CSMD1: variants seen among roughly 807,000 people sequenced by gnomAD.
CSMD1 encodes CUB and Sushi multiple domains 1.
Under a neutral mutation model 417.5 loss-of-function variants are expected in CSMD1, and 213 were observed. The ratio of observed to expected loss-of-function variants is 0.51; its 90% CI spans 0.46 to 0.57. The LOEUF (loss-of-function observed/expected upper bound fraction) is 0.57, where lower values mean the gene tolerates loss of function less well. Ranked by LOEUF, CSMD1 falls within the 20% of genes least tolerant of loss-of-function variation. CSMD1 has a pLI of 0.00. For missense variants in CSMD1, 6,923 were observed against 4,529.7 expected (o/e 1.53, Z -15.17); for synonymous variants, 2,862 against 1,736.8 (o/e 1.65, Z -16.11).
At chr8:3,346,374 C>T (rs1047149774) in intron 22 of CSMD1, among the ~76,000 whole-genome samples, 3 of 152,074 alleles carry the variant, frequency 2.0e-5, no homozygotes, top group Non-Finnish European at 4.4e-5. Context: ...AAAACTTTGC[C>T]TTAAAGGCTT....
At chr8:4,118,844 A>C (rs1366711067) in intron 3 of CSMD1, among the ~76,000 whole-genome samples, 1 of 152,208 alleles carries the variant, frequency 6.6e-6, no homozygotes, top group Non-Finnish European at 1.5e-5. Context: ...AACCAACCCA[A>C]ATGCTCAACA....
At chr8:4,928,709 AAAT>A (rs1200049395) in intron 1 of CSMD1, among the ~76,000 whole-genome samples, 2 of 152,116 alleles carry the variant, frequency 1.3e-5, no homozygotes, top group African/African-American at 4.8e-5. Context: ...TCATACACTG[AAAT>A]AATAATCCCC....
chr8:3,335,442 C>T (rs1807193138), intron 23 of CSMD1, among the ~76,000 whole-genome samples: 1 of 152,162 alleles, frequency 6.6e-6, no homozygotes, highest in African/African-American at 2.4e-5. Context: ...CTTTGGGAGG[C>T]CAAGGCGGGT....
intron 3 of CSMD1, among the ~76,000 whole-genome samples, chr8:4,289,154 C>T (rs928637790): frequency 6.6e-6 from 1 of 152,132 alleles, no homozygotes; most frequent in African/African-American, 2.4e-5. Flanking sequence ...AACACCCGTT[C>T]TAAGACAGTG....
Position 3,604,542 on chromosome 8 carries a change from T to C in CSMD1, c.1097+12168A>G, listed in dbSNP as rs118013626. Among the ~76,000 whole-genome samples, 56 of 152,148 alleles carry C rather than the reference T, an allele frequency of 3.7e-4. No individual in the cohort carries two copies. In the East Asian group the frequency reaches 9.3e-3, roughly 25 times the overall value. On this transcript the variant is annotated intron_variant, in intron 8 of 69. Coordinates refer to ENST00000635120, the MANE Select transcript of CSMD1 (RefSeq NM_033225.6). Reference sequence around the variant, plus strand: ...ACCACATAGGATACCAACCGAGATATCAGTGTATGCATCTGCTCTAACTTT... The same window carrying C: ...ACCACATAGGATACCAACCGAGATACCAGTGTATGCATCTGCTCTAACTTT...
rs930867011 is a variant in CSMD1 at position 3,234,253 on chromosome 8, A to C, written c.4154-4022T>G. ...GATTCCTTATTTTGTTGCAGGTTCAATGACACAATTTGAAAATCCAAAACC... is the reference window on the plus strand; with the variant it reads ...GATTCCTTATTTTGTTGCAGGTTCACTGACACAATTTGAAAATCCAAAACC... On this transcript the variant is annotated intron_variant, in intron 26 of 69. Transcript: ENST00000635120. 4.6e-5 allele frequency among the ~76,000 whole-genome samples: 7 copies of C among 152,290 alleles called. No homozygotes were observed. The East Asian group carries it at 1.2e-3, about 25-fold the overall frequency.
In CSMD1 at chr8:3,966,634, G is replaced by A. The variant is rs567990796; in HGVS notation, c.818+31269C>T. ...TATTCATTATTTTTTCAATTAGCCT[G>A]CAAGGTCTTTGAGGGCAAAGACCAT... On this transcript the variant is annotated intron_variant, in intron 5 of 69. Transcript: ENST00000635120. Among the ~76,000 whole-genome samples the A allele has an allele frequency of 4.6e-5, 7 of 151,984 alleles. No homozygotes were observed. The East Asian group carries it at 1.2e-3, about 25-fold the overall frequency.
At chr8:3,925,065 T>C (rs1174508744) in intron 5 of CSMD1, among the ~76,000 whole-genome samples, 2 of 152,214 alleles carry the variant, frequency 1.3e-5, no homozygotes, top group South Asian at 2.1e-4. Context: ...GCATCTGTTC[T>C]ATGGCTATGC....
intron 3 of CSMD1, among the ~76,000 whole-genome samples, chr8:4,218,176 G>GTTA (rs1800798695): frequency 1.3e-5 from 2 of 152,148 alleles, no homozygotes; most frequent in Non-Finnish European, 2.9e-5. Flanking sequence ...TGGAACACTA[G>GTTA]TTATAAATTC....
intron 3 of CSMD1, among the ~76,000 whole-genome samples, chr8:4,227,938 C>T (rs554414922): frequency 4.0e-5 from 6 of 151,016 alleles, no homozygotes; most frequent in African/African-American, 1.5e-4. Flanking sequence ...CCTAGACACA[C>T]ACCCTCCATC....
At chr8:3,745,130 T>C (rs551881677) in intron 6 of CSMD1, among the ~76,000 whole-genome samples, 2 of 152,360 alleles carry the variant, frequency 1.3e-5, no homozygotes, top group South Asian at 4.1e-4. Context: ...GCAAAGCTCT[T>C]ACTACTTTCA....
chr8:3,345,106 A>G (rs1034875296), intron 22 of CSMD1, among the ~76,000 whole-genome samples: 2 of 152,244 alleles, frequency 1.3e-5, no homozygotes, highest in South Asian at 4.1e-4. Flanking sequence ...ACAGAAATCC[A>G]TAAAGATGGG....
In CSMD1 at chr8:3,411,994, GTATA is replaced by G. The variant is rs1408204575; in HGVS notation, c.1562-2393_1562-2390del. ...CGTATATATACACGTATATATACGTGTATATACACGTATATATATACATATACAC... is the reference window on the plus strand; with the variant it reads ...CGTATATATACACGTATATATACGTGTACACGTATATATATACATATACAC... On this transcript the variant is annotated intron_variant, in intron 12 of 69. Transcript: ENST00000635120. Among the ~76,000 whole-genome samples, 2 of 43,072 alleles carry G rather than the reference GTATA, an allele frequency of 4.6e-5. 1 individual carries two copies. Among genetic ancestry groups the G allele is most frequent in the African/African-American group, 2.0e-4 (2 of 10,040 alleles). 28.3% of individuals were successfully genotyped at this position (43,072 alleles called of 152,430 possible).
chr8:4,283,055 T>G (rs1796875203), intron 3 of CSMD1, among the ~76,000 whole-genome samples: 1 of 152,170 alleles, frequency 6.6e-6, no homozygotes, highest in Non-Finnish European at 1.5e-5. Flanking sequence ...GCCTGATAGT[T>G]AGAAACAGAC....
chr8:4,353,058 T>C (rs569836210), intron 3 of CSMD1, among the ~76,000 whole-genome samples: 2 of 152,196 alleles, frequency 1.3e-5, no homozygotes, highest in African/African-American at 2.4e-5. Flanking sequence ...GTAGAAAGAG[T>C]AAAATCAGAT....
At chr8:4,374,894 C>T (rs1401922416) in intron 3 of CSMD1, among the ~76,000 whole-genome samples, 1 of 132,426 alleles carries the variant, frequency 7.6e-6, no homozygotes, top group East Asian at 2.2e-4. Flanking sequence ...TGAAGAAGAG[C>T]CAATGATCTG....
At chr8:3,019,955 T>C (rs1809218875) in intron 51 of CSMD1, among the ~76,000 whole-genome samples, 1 of 152,214 alleles carries the variant, frequency 6.6e-6, no homozygotes, top group Non-Finnish European at 1.5e-5. Flanking sequence ...TTAAGAGTGC[T>C]AGGTGAGCAC....
intron 26 of CSMD1, among the ~76,000 whole-genome samples, chr8:3,234,023 C>A (rs1799007963): frequency 6.6e-6 from 1 of 152,132 alleles, no homozygotes; most frequent in South Asian, 2.1e-4. Flanking sequence ...GTGAGTAGAA[C>A]ACCCTTTGGT....
chr8:4,810,581 G>A (rs549520688), intron 1 of CSMD1, among the ~76,000 whole-genome samples: 79 of 152,318 alleles, frequency 5.2e-4, no homozygotes, highest in African/African-American at 1.7e-3. Flanking sequence ...GGTGGTGGCT[G>A]TGTGTCTGTA....
Sources: allele counts gnomAD v4.1 joint callset (sites outside exome capture counted in the v4.1 genomes callset), GRCh38; gene constraint gnomAD v4.1.1; transcripts MANE v1.5; gene names NCBI Gene and HGNC (gene_info 2026-07-23, HGNC 2026-07-21).